Variants in SLC4A1AP observed in about 807,000 individuals in gnomAD.
SLC4A1AP encodes solute carrier family 4 member 1 adaptor protein, also known as kanadaptin.
Under a neutral mutation model 89.7 loss-of-function variants are expected in SLC4A1AP, and 64 were observed. The ratio of observed to expected loss-of-function variants is 0.71; its 90% CI spans 0.58 to 0.88. SLC4A1AP has a LOEUF of 0.88. Among genes scored for constraint, SLC4A1AP ranks in the 40% least tolerant of loss-of-function variants. The probability of loss-of-function intolerance (pLI) is 0.00; values close to 1 mark genes in which losing one functional copy is unlikely to be tolerated. For missense variants in SLC4A1AP, 931 were observed against 965.0 expected (o/e 0.96, Z 0.47); for synonymous variants, 366 against 353.3 (o/e 1.04, Z -0.40).
exon 8 of SLC4A1AP, chr2:27,677,919 A>G (rs1675551428): frequency 1.3e-6 from 2 of 1,588,342 alleles, no homozygotes; most frequent in Non-Finnish European, 1.7e-6. Context: ...TTCCAGAACT[A>G]AAAAAGTAAG....
At chr2:27,681,445 T>A (rs1417334095) in intron 8 of SLC4A1AP, among the ~76,000 whole-genome samples, 1 of 152,130 alleles carries the variant, frequency 6.6e-6, no homozygotes, top group Non-Finnish European at 1.5e-5. Context: ...ATTACTGTCC[T>A]TATATTCCAG....
rs111909512 is a variant in SLC4A1AP, at chr2:27,682,121, A to G, written c.1764-127A>G. ...CTGAATACCTCTTTCTTATTGTTATATGCTTAGATATTCATTTTGTGGTAA... is the reference window on the plus strand; with the variant it reads ...CTGAATACCTCTTTCTTATTGTTATGTGCTTAGATATTCATTTTGTGGTAA... On this transcript the variant is annotated intron_variant, in intron 8 of 13. Transcript: ENST00000613058. 1,750 of 617,628 alleles carry G rather than the reference A, an allele frequency of 2.8e-3. 23 individuals carry two copies. In the African/African-American group the frequency reaches 0.029, roughly 10 times the overall value. The allele number at this position is 617,628 out of a possible 1,614,324, so 38.3% of individuals were successfully genotyped here.
intron 8 of SLC4A1AP, among the ~76,000 whole-genome samples, chr2:27,680,652 G>A (rs1328738703): frequency 6.6e-6 from 1 of 151,886 alleles, no homozygotes; most frequent in Non-Finnish European, 1.5e-5. Context: ...AGCTGGGTAT[G>A]GTGGTGCTTG....
At chr2:27,688,878 C>T (rs1160452359) in intron 12 of SLC4A1AP, 111 bp downstream of exon 12, 1 of 703,390 alleles carries the variant, frequency 1.4e-6, no homozygotes, top group East Asian at 2.8e-5. Context: ...AGCCTTATTC[C>T]CCTCTCCTAG....
intron 2 of SLC4A1AP, among the ~76,000 whole-genome samples, chr2:27,666,277 A>AT (rs968836780): frequency 3.1e-5 from 4 of 130,946 alleles, no homozygotes; most frequent in Non-Finnish European, 6.3e-5. Context: ...GGGAAACTTA[A>AT]TTTTTTTTAT....
At chr2:27,693,876 A>G (rs1675830623) in intron 13 of SLC4A1AP, 122 bp downstream of exon 13, 2 of 623,342 alleles carry the variant, frequency 3.2e-6, no homozygotes, top group South Asian at 6.7e-5. Context: ...TTTGTATACC[A>G]TGTTTGGATC....
chr2:27,682,566 C>G (rs1332141323), intron 9 of SLC4A1AP, among the ~76,000 whole-genome samples: 5 of 147,764 alleles, frequency 3.4e-5, no homozygotes, highest in Non-Finnish European at 7.4e-5. Flanking sequence ...CACTCTGTCA[C>G]CAGGCTGGAG....
chr2:27,686,028 G>A (rs1326008449), intron 10 of SLC4A1AP, among the ~76,000 whole-genome samples: 1 of 152,088 alleles, frequency 6.6e-6, no homozygotes, highest in Non-Finnish European at 1.5e-5. Context: ...CAACTGCAGG[G>A]GTTATTTTCC....
exon 1 of SLC4A1AP, chr2:27,663,910 T>G: frequency 1.2e-6 from 2 of 1,614,100 alleles, no homozygotes; most frequent in East Asian, 2.2e-5. Context: ...TTGCACCGGT[T>G]GAGGATGGCT....
chr2:27,676,635 AAT>A (rs1028504956), intron 6 of SLC4A1AP, among the ~76,000 whole-genome samples: 1 of 151,698 alleles, frequency 6.6e-6, no homozygotes. Context: ...CCACCTGACC[AAT>A]GTGGTGAAAC....
chr2:27,669,618 A>G (rs2148131851), intron 5 of SLC4A1AP, among the ~76,000 whole-genome samples: 1 of 152,256 alleles, frequency 6.6e-6, no homozygotes, highest in East Asian at 1.9e-4. Context: ...AAACACTCAT[A>G]CACAAATGTA....
chr2:27,668,041 G>C (rs545072878), intron 3 of SLC4A1AP, among the ~76,000 whole-genome samples: 1 of 152,052 alleles, frequency 6.6e-6, no homozygotes, highest in East Asian at 1.9e-4. Flanking sequence ...ATCTGAGTTT[G>C]TTTTTTTCTC....
intron 12 of SLC4A1AP, among the ~76,000 whole-genome samples, chr2:27,690,218 A>G (rs185447092): frequency 4.7e-4 from 72 of 152,302 alleles, no homozygotes; most frequent in African/African-American, 1.7e-3. Context: ...TGAATCATAT[A>G]GTGATGAAAT....
At chr2:27,676,829 CAAAAA>C (rs150750243) in intron 6 of SLC4A1AP, among the ~76,000 whole-genome samples, 2 of 96,098 alleles carry the variant, frequency 2.1e-5, no homozygotes, top group Non-Finnish European at 2.3e-5. Context: ...GACTCCATCT[CAAAAA>C]AAAAAAAAAA....
At chr2:27,688,068 A>G (rs763945787) in intron 11 of SLC4A1AP, 48 bp downstream of exon 11, 3 of 1,512,272 alleles carry the variant, frequency 2.0e-6, no homozygotes, top group South Asian at 2.3e-5. Flanking sequence ...CAGGTGGCTG[A>G]CTGGTTTCAT....
At chr2:27,670,042 T>C (rs1166568454) in intron 5 of SLC4A1AP, among the ~76,000 whole-genome samples, 3 of 152,204 alleles carry the variant, frequency 2.0e-5, no homozygotes, top group African/African-American at 7.2e-5. Context: ...TTTGTATTTT[T>C]AGTAGAGACG....
chr2:27,674,814 C>T (rs1017518123), intron 5 of SLC4A1AP, among the ~76,000 whole-genome samples: 1 of 150,960 alleles, frequency 6.6e-6, no homozygotes, highest in South Asian at 2.1e-4. Flanking sequence ...CAGGTTCAAG[C>T]AATTCTCCTG....
At chr2:27,670,894 CAACA>C (rs1352571860) in intron 5 of SLC4A1AP, among the ~76,000 whole-genome samples, 1 of 148,652 alleles carries the variant, frequency 6.7e-6, no homozygotes, top group Non-Finnish European at 1.5e-5. Flanking sequence ...TAAAAAAAAA[CAACA>C]AACACCTGTA....
At chr2:27,673,769 C>G (rs13432765) in intron 5 of SLC4A1AP, among the ~76,000 whole-genome samples, 8,687 of 151,958 alleles carry the variant, frequency 0.057, 687 homozygotes, top group African/African-American at 0.18. Context: ...TCTTAACCTG[C>G]AAATTAGGCT....
Sources: allele counts gnomAD v4.1 joint callset (sites outside exome capture counted in the v4.1 genomes callset), GRCh38; gene constraint gnomAD v4.1.1; transcripts MANE v1.5; gene names NCBI Gene and HGNC (gene_info 2026-07-23, HGNC 2026-07-21).